The following SLC39A11 variants were observed in gnomAD, a reference collection of about 807,000 sequenced individuals.
The protein encoded by SLC39A11 is solute carrier family 39 member 11.
Under a neutral mutation model 36.1 loss-of-function variants are expected in SLC39A11, and 33 were observed. That is an observed-to-expected ratio of 0.91 (90% CI 0.69 to 1.22). The LOEUF is 1.22. Ranked by LOEUF, SLC39A11 falls within the 50% of genes most tolerant of loss-of-function variation. The probability of loss-of-function intolerance (pLI) is 0.00; values close to 1 mark genes in which losing one functional copy is unlikely to be tolerated. For missense variants in SLC39A11, 432 were observed against 430.3 expected, an observed-to-expected ratio of 1.00 and a Z score of -0.03; for synonymous variants, 166 against 170.3, an observed-to-expected ratio of 0.97 and a Z score of 0.20.
At chr17:72,668,825 C>T (rs915546600) in intron 7 of SLC39A11, among the ~76,000 whole-genome samples, 3 of 152,178 alleles carry the variant, frequency 2.0e-5, no homozygotes, top group Admixed American at 6.5e-5. Context: ...TGGTCTTCTA[C>T]CCCTGTTGAA....
intron 4 of SLC39A11, among the ~76,000 whole-genome samples, chr17:72,956,826 T>C (rs1310427542): frequency 4.6e-5 from 7 of 152,194 alleles, no homozygotes; most frequent in Non-Finnish European, 1.5e-5. Flanking sequence ...TTCCTAAAAA[T>C]GTGTATGTAT....
intron 4 of SLC39A11, among the ~76,000 whole-genome samples, chr17:72,961,577 T>C (rs940153690): frequency 6.6e-6 from 1 of 152,168 alleles, no homozygotes; most frequent in Non-Finnish European, 1.5e-5. Context: ...GATGAGTTCA[T>C]GTCCTTTGCA....
intron 3 of SLC39A11, among the ~76,000 whole-genome samples, chr17:73,058,339 G>A (rs963251908): frequency 7.2e-5 from 11 of 152,128 alleles, no homozygotes; most frequent in African/African-American, 2.2e-4. Flanking sequence ...GAAAATATCC[G>A]CAGAGTAAAT....
chr17:72,752,288 G>A (rs571328608), intron 6 of SLC39A11, among the ~76,000 whole-genome samples: 33 of 151,886 alleles, frequency 2.2e-4, no homozygotes, highest in South Asian at 8.3e-4. Flanking sequence ...TCTGTCACCC[G>A]GGCTGGAGAG....
chr17:72,663,388 G>A (rs1054408156), intron 7 of SLC39A11, among the ~76,000 whole-genome samples: 6 of 152,122 alleles, frequency 3.9e-5, no homozygotes, highest in East Asian at 1.9e-4. Flanking sequence ...ATCCGCCTGC[G>A]TTGTACAGGA....
chr17:72,695,976 G>T (rs562553677), intron 7 of SLC39A11, among the ~76,000 whole-genome samples: 63 of 152,328 alleles, frequency 4.1e-4, no homozygotes, highest in African/African-American at 1.5e-3. Context: ...CCCAGTTTGT[G>T]GTAATTTGTT....
At chr17:72,754,669 C>T (rs995530585) in intron 6 of SLC39A11, among the ~76,000 whole-genome samples, 61 of 152,232 alleles carry the variant, frequency 4.0e-4, no homozygotes, top group African/African-American at 1.4e-3. Context: ...GGTGCCGGGC[C>T]GCAGCCGGGG....
intron 6 of SLC39A11, among the ~76,000 whole-genome samples, chr17:72,814,563 T>C (rs1418917242): frequency 2.0e-5 from 3 of 152,162 alleles, no homozygotes; most frequent in East Asian, 1.9e-4. Flanking sequence ...AGAACTCCAG[T>C]AGCCATCAGA....
intron 4 of SLC39A11, among the ~76,000 whole-genome samples, chr17:73,022,836 C>CTG: frequency 6.6e-6 from 1 of 152,128 alleles, no homozygotes; most frequent in Non-Finnish European, 1.5e-5. Flanking sequence ...CCAGCTCTCT[C>CTG]CAAACTTCAC....
chr17:73,019,975 G>T (rs1167582733), intron 4 of SLC39A11, among the ~76,000 whole-genome samples: 1 of 152,116 alleles, frequency 6.6e-6, no homozygotes, highest in East Asian at 1.9e-4. Flanking sequence ...TTAATATCAG[G>T]ACAAAGTAGA....
chr17:72,947,825 C>G lies in SLC39A11; in HGVS notation c.357G>C (p.Thr119=), dbSNP rs138248966. Residue 119 remains threonine (T), a synonymous_variant, in exon 5 of 10, where the codon ACG becomes ACC. Transcript: ENST00000255559. ...QTTLALNFGS[T]LMKKKSDPEG... is the part of the protein sequence containing the mutation. ...CAGGATCAGACTTCTTCTTCATCAA[C>G]GTAGAGCCGAAGTTCAGTGCCAGGG... 3 of 1,614,154 alleles carry G rather than the reference C, an allele frequency of 1.9e-6. No homozygotes were observed. Among genetic ancestry groups the G allele is most frequent in the South Asian group, 2.2e-5 (2 of 91,088 alleles).
At chr17:73,082,490 G>A (rs78959835) in intron 3 of SLC39A11, among the ~76,000 whole-genome samples, 1 of 151,062 alleles carries the variant, frequency 6.6e-6, no homozygotes, top group Admixed American at 6.6e-5. Context: ...TTTTTGTTTT[G>A]TTTTTTTCTT....
intron 6 of SLC39A11, among the ~76,000 whole-genome samples, chr17:72,760,387 T>C (rs1276250395): frequency 6.6e-6 from 1 of 152,256 alleles, no homozygotes; most frequent in Non-Finnish European, 1.5e-5. Context: ...AACCATCTGC[T>C]TCCTGTAGAG....
At chr17:72,711,989 C>G (rs1325518925) in intron 7 of SLC39A11, among the ~76,000 whole-genome samples, 1 of 152,180 alleles carries the variant, frequency 6.6e-6, no homozygotes, top group Non-Finnish European at 1.5e-5. Flanking sequence ...TGAACAGAAG[C>G]AGTTAAAATG....
intron 7 of SLC39A11, among the ~76,000 whole-genome samples, chr17:72,703,642 C>T (rs2072753629): frequency 6.6e-6 from 1 of 152,198 alleles, no homozygotes; most frequent in Non-Finnish European, 1.5e-5. Context: ...CAGATTCAGT[C>T]CTTAAATCCA....
chr17:72,996,335 G>GT (rs1233962144), intron 4 of SLC39A11, among the ~76,000 whole-genome samples: 1 of 152,182 alleles, frequency 6.6e-6, no homozygotes, highest in Non-Finnish European at 1.5e-5. Flanking sequence ...CATGGGAATA[G>GT]TATGTTTTCC....
chr17:72,693,876 C>G (rs1033672534), intron 7 of SLC39A11, among the ~76,000 whole-genome samples: 47 of 152,294 alleles, frequency 3.1e-4, no homozygotes, highest in African/African-American at 1.1e-3. Flanking sequence ...GTTGGCCAGG[C>G]TGGTCTCGAA....
intron 7 of SLC39A11, among the ~76,000 whole-genome samples, chr17:72,726,426 A>C (rs964913788): frequency 6.6e-6 from 1 of 152,116 alleles, no homozygotes; most frequent in African/African-American, 2.4e-5. Flanking sequence ...AGGGAGGATT[A>C]TTTGAGCCCA....
At chr17:73,053,309 T>C (rs1481749199) in intron 3 of SLC39A11, among the ~76,000 whole-genome samples, 1 of 151,872 alleles carries the variant, frequency 6.6e-6, no homozygotes, top group Non-Finnish European at 1.5e-5. Context: ...AGAAAGTTTA[T>C]AGGAGTCTGT....
Sources: gnomAD v4.1 joint callset for allele counts (sites outside exome capture counted in the v4.1 genomes callset) on GRCh38, gnomAD v4.1.1 for gene constraint, MANE v1.5 for transcripts, NCBI Gene and HGNC (gene_info 2026-07-23, HGNC 2026-07-21) for gene names.